Variants in NETO1 observed in about 807,000 individuals in gnomAD.
NETO1 encodes the protein neuropilin and tolloid like 1.
A neutral mutation model predicts 61.3 loss-of-function variants in NETO1; 26 were observed. The ratio of observed to expected loss-of-function variants is 0.42; its 90% CI spans 0.31 to 0.59. The LOEUF is 0.59. Ranked by LOEUF, NETO1 falls within the 20% of genes least tolerant of loss-of-function variation. NETO1 has a pLI of 0.12. For synonymous variants in NETO1, 225 were observed against 225.8 expected (o/e 1.00, Z 0.03); for missense variants, 531 against 662.8 (o/e 0.80, Z 2.18).
intron 7 of NETO1, among the ~76,000 whole-genome samples, chr18:72,776,164 T>C (rs947258924): frequency 1.3e-5 from 2 of 151,144 alleles, no homozygotes; most frequent in East Asian, 3.9e-4. Context: ...CAGTGGAGAG[T>C]TTCCAAGGGG....
intron 7 of NETO1, among the ~76,000 whole-genome samples, chr18:72,769,420 T>C (rs1392928204): frequency 6.6e-6 from 1 of 152,168 alleles, no homozygotes; most frequent in Non-Finnish European, 1.5e-5. Flanking sequence ...AAAACTGTAT[T>C]AAAACTCTAC....
chr18:72,835,443 A>G (rs929676821), intron 4 of NETO1: 4 of 578,196 alleles, frequency 6.9e-6, no homozygotes, highest in Non-Finnish European at 1.2e-5. Flanking sequence ...AAGTAGGAAT[A>G]CAAGTTAAAA....
At position 72,846,677 on chromosome 18, in the gene NETO1, C is replaced by T. The variant is rs527566099; in HGVS notation, c.469+12149G>A. The stretch of plus-strand genomic sequence containing the variant: ...AATCTTTTTTTATTTAAAATTGAGA[C>T]GCAGATATTACTTAAGGATGATTAT... On this transcript the variant is annotated intron_variant, in intron 4 of 10. Coordinates refer to ENST00000327305, the MANE Select transcript of NETO1 (RefSeq NM_138966.5). 5.3e-5 allele frequency among the ~76,000 whole-genome samples: 8 copies of T among 151,262 alleles called. No homozygotes were observed. The South Asian group carries it at 8.3e-4, about 16-fold the overall frequency.
intron 7 of NETO1, among the ~76,000 whole-genome samples, chr18:72,777,676 G>C (rs926115603): frequency 6.6e-6 from 1 of 152,098 alleles, no homozygotes; most frequent in African/African-American, 2.4e-5. Flanking sequence ...CCGGGAGGCG[G>C]AGCTCGCAGT....
chr18:72,866,506 T>G (rs968580711), intron 1 of NETO1, among the ~76,000 whole-genome samples: 3 of 152,048 alleles, frequency 2.0e-5, no homozygotes, highest in African/African-American at 7.2e-5. Flanking sequence ...AGCATCAGGA[T>G]GTGTATTTGT....
At chr18:72,783,929 T>C in intron 6 of NETO1, 23 bp from the exon 7 acceptor site, 1 of 1,525,706 alleles carries the variant, frequency 6.6e-7, no homozygotes, top group African/African-American at 1.4e-5. Context: ...AATAAAATAA[T>C]TTCCACATAT....
chr18:72,865,193 C>T lies in NETO1; in HGVS notation c.77G>A (p.Gly26Glu), dbSNP rs34743368. ...ATTTTTCTAAGTAAACACACCTGTTCCTTTCTTGGTTGCCCCAGACAAATG... is the reference window on the plus strand; with the variant it reads ...ATTTTTCTAAGTAAACACACCTGTTTCTTTCTTGGTTGCCCCAGACAAATG... ...ILHLSGATKK[G>E]TEKQTTSETQ... The change falls in exon 2 of 11, where the codon GGA (glycine) becomes GAA (glutamate). Residue 26 changes from glycine (G) to glutamate (E), a missense_variant. Coordinates refer to ENST00000327305, the MANE Select transcript of NETO1 (RefSeq NM_138966.5). 464 of 1,612,872 alleles carry T rather than the reference C, an allele frequency of 2.9e-4. 1 individual carries two copies. The African/African-American group carries it at 5.7e-3, about 20-fold the overall frequency.
At chr18:72,801,015 A>C (rs1040909188) in intron 4 of NETO1, among the ~76,000 whole-genome samples, 1 of 152,150 alleles carries the variant, frequency 6.6e-6, no homozygotes, top group Non-Finnish European at 1.5e-5. Flanking sequence ...TATGTTTCCC[A>C]GCCTCCCTTG....
At position 72,846,504 on chromosome 18, in the gene NETO1, C is replaced by CAAAAAAAAAAAAAA. The variant is rs35252443; in HGVS notation, c.469+12308_469+12321dup. On this transcript the variant is annotated intron_variant, in intron 4 of 10. Coordinates refer to ENST00000327305, the MANE Select transcript of NETO1 (RefSeq NM_138966.5). ...TGGGCAATGGAGTGAGACTTCATCT[C>CAAAAAAAAAAAAAA]AAAAAAAAAAAAAAAAAAAAAAAAA... is the stretch of plus-strand genomic sequence containing the variant. 3.3e-3 allele frequency among the ~76,000 whole-genome samples: 43 copies of CAAAAAAAAAAAAAA among 13,004 alleles called. 15 individuals carry two copies. The highest frequency in any genetic ancestry group is 4.4e-3 in the Non-Finnish European group (34 of 7,800). 8.5% of individuals were successfully genotyped at this position (13,004 alleles called of 152,430 possible).
intron 8 of NETO1, 24 bp downstream of exon 8, chr18:72,756,010 C>A: frequency 7.3e-7 from 1 of 1,367,136 alleles, no homozygotes; most frequent in Non-Finnish European, 1.0e-6. Context: ...AAATTTTTTT[C>A]AAATTTCAGG....
chr18:72,766,034 T>C (rs12958163), intron 7 of NETO1, among the ~76,000 whole-genome samples: 45,837 of 151,818 alleles, frequency 0.3, 8,063 homozygotes, highest in South Asian at 0.41. Flanking sequence ...TGGTGAGAAC[T>C]CATCTCTACT....
intron 4 of NETO1, among the ~76,000 whole-genome samples, chr18:72,798,122 C>T (rs543221903): frequency 6.6e-6 from 1 of 152,324 alleles, no homozygotes; most frequent in East Asian, 1.9e-4. Context: ...CAGCTGTGGG[C>T]CACACAGCAG....
In NETO1 at chr18:72,747,668, G is replaced by T. The variant is rs1215040794; in HGVS notation, c.*511C>A. 3 of 152,018 alleles carry T rather than the reference G, an allele frequency of 2.0e-5. No individual in the cohort carries two copies. The highest frequency in any genetic ancestry group is 4.4e-5 in the Non-Finnish European group (3 of 67,974). 9.4% of individuals were successfully genotyped at this position (152,018 alleles called of 1,614,324 possible). A position where few individuals can be genotyped will look rare whatever the true frequency, so the allele number is the denominator to read the frequency against. Reference sequence around the variant, plus strand: ...GTGTATAGTCCATAACCTCTAGCTGGTGATTCCATGGTCCACACTGTCACT... The same window carrying T: ...GTGTATAGTCCATAACCTCTAGCTGTTGATTCCATGGTCCACACTGTCACT... On this transcript the variant is annotated 3_prime_UTR_variant, in exon 11 of 11. Transcript: ENST00000327305.
Position 72,867,698 on chromosome 18 carries a change from C to G in NETO1, c.-407G>C, listed in dbSNP as rs1170168236. The G allele has an allele frequency of 1.3e-5, 2 of 150,378 alleles. No homozygotes were observed. The highest frequency in any genetic ancestry group is 3.0e-5 in the Non-Finnish European group (2 of 67,208). The allele number at this position is 150,378 out of a possible 1,614,324, so 9.3% of individuals were successfully genotyped here. A position where few individuals can be genotyped will look rare whatever the true frequency, so the allele number is the denominator to read the frequency against. On this transcript the variant is annotated 5_prime_UTR_variant, in exon 1 of 11. Transcript: ENST00000327305. Reference sequence around the variant, plus strand: ...GGCGGTCGCAGGGCGAGCCCCGGGACGCCCCGAGCCGGGGCCGGGGCCGGG... The same window carrying G: ...GGCGGTCGCAGGGCGAGCCCCGGGAGGCCCCGAGCCGGGGCCGGGGCCGGG...
chr18:72,845,896 T>C (rs192261764), intron 4 of NETO1, among the ~76,000 whole-genome samples: 1 of 152,296 alleles, frequency 6.6e-6, no homozygotes, highest in East Asian at 1.9e-4. Context: ...TATACATTGT[T>C]GTTAGAATAG....
Position 72,858,828 on chromosome 18 carries a change from G to A in NETO1, c.467C>T (p.Pro156Leu). The A allele has an allele frequency of 6.2e-7, 1 of 1,605,020 alleles. No individual in the cohort carries two copies. Among genetic ancestry groups the A allele is most frequent in the Non-Finnish European group, 8.5e-7 (1 of 1,177,016 alleles). ...TTTTTTTTTAAGTACTTACTTACCA[G>A]GTGTGAAATTGTATCGAGCTGAAAA... The part of the protein sequence containing the change: ...MGFSARYNFT[P>L]DPDFKDLGAL... Residue 156 changes from proline to leucine, a missense_variant and splice_region_variant, in exon 4 of 11, where the codon CCT becomes CTT. Pro to Leu is a moderately conservative substitution (Grantham distance 98, BLOSUM62 -3). Transcript: ENST00000327305.
chr18:72,865,582 AT>A, intron 1 of NETO1: 1 of 1,607,566 alleles, frequency 6.2e-7, no homozygotes, highest in Non-Finnish European at 8.5e-7. Context: ...CCCTTAGGGA[AT>A]GGCTCTGCCA....
chr18:72,846,925 G>A (rs180818056), intron 4 of NETO1, among the ~76,000 whole-genome samples: 3 of 152,262 alleles, frequency 2.0e-5, no homozygotes, highest in South Asian at 2.1e-4. Flanking sequence ...CTTTGTTTGC[G>A]CGCCAAATTT....
At chr18:72,866,661 C>T in intron 1 of NETO1, 52 of 952,744 alleles carry the variant, frequency 5.5e-5, no homozygotes, top group Non-Finnish European at 6.5e-5. Flanking sequence ...CACACATTTT[C>T]TTATACTGCC....
Sources: gnomAD v4.1 joint callset for allele counts (sites outside exome capture counted in the v4.1 genomes callset) on GRCh38, gnomAD v4.1.1 for gene constraint, MANE v1.5 for transcripts, NCBI Gene and HGNC (gene_info 2026-07-23, HGNC 2026-07-21) for gene names.